The following SH2D1B variants were observed in gnomAD, a reference collection of about 807,000 sequenced individuals.
SH2D1B encodes SH2 domain-containing protein 1B.
SH2D1B carries 11 observed loss-of-function variants against 16.3 expected under a neutral mutation model. The ratio of observed to expected loss-of-function variants is 0.67; its 90% confidence interval spans 0.42 to 1.11. The LOEUF (loss-of-function observed/expected upper bound fraction) is 1.11, where lower values mean the gene tolerates loss of function less well. Among genes scored for constraint, SH2D1B ranks in the 50% most tolerant of loss-of-function variants. The pLI, the probability that SH2D1B is intolerant of heterozygous loss-of-function variation, is 0.00. For missense variants in SH2D1B, 123 were observed against 153.1 expected, an observed-to-expected ratio of 0.80 and a Z score of 1.04; for synonymous variants, 55 against 56.1, an observed-to-expected ratio of 0.98 and a Z score of 0.09.
chr1:162,406,460 T>C (rs542701851), intron 1 of SH2D1B, among the ~76,000 whole-genome samples: 1 of 152,310 alleles, frequency 6.6e-6, no homozygotes, highest in South Asian at 2.1e-4. Context: ...CCATCATGTA[T>C]AATGAACCAT....
Position 162,399,062 on chromosome 1 carries a change from A to C in SH2D1B, c.224T>G (p.Val75Gly). Residue 75 changes from valine (V) to glycine (G), a missense_variant, in exon 3 of 4, where the codon GTC becomes GGC. Physicochemically the swap from Val to Gly is moderately radical, Grantham distance 109. Transcript: ENST00000367929. ...IQTAEGSPKQ[V>G]FPSLKELISK... is the part of the protein sequence containing the mutation. ...GATCAGTTCCTTTAGGCTTGGAAAGACCTGTTTTGGAGAACCTTCTGCAGT... is the reference window on the plus strand; with the variant it reads ...GATCAGTTCCTTTAGGCTTGGAAAGCCCTGTTTTGGAGAACCTTCTGCAGT... The C allele has an allele frequency of 6.2e-7, 1 of 1,613,290 alleles. No individual in the cohort carries two copies. Among genetic ancestry groups the C allele is most frequent in the Non-Finnish European group, 8.5e-7 (1 of 1,179,644 alleles).
chr1:162,398,914 A>T lies in SH2D1B; in HGVS notation c.363+9T>A. On this transcript the variant is annotated intron_variant, in intron 3 of 3. Coordinates refer to ENST00000367929, the MANE Select transcript of SH2D1B (RefSeq NM_053282.5). ...GATTGCTTTCTGACCCCCACGTGAG[A>T]GATTTTACCACAAATGTTTCCAACT... 1 of 1,607,302 alleles carries T rather than the reference A, an allele frequency of 6.2e-7. No homozygotes were observed. The highest frequency in any genetic ancestry group is 8.5e-7 in the Non-Finnish European group (1 of 1,175,176).
At chr1:162,407,625 C>T (rs1382604583) in intron 1 of SH2D1B, among the ~76,000 whole-genome samples, 1 of 152,188 alleles carries the variant, frequency 6.6e-6, no homozygotes, top group Non-Finnish European at 1.5e-5. Context: ...TTTTCTGTGT[C>T]AGTGAAGACA....
intron 2 of SH2D1B, among the ~76,000 whole-genome samples, chr1:162,402,286 G>A (rs1442303153): frequency 6.6e-6 from 1 of 152,154 alleles, no homozygotes; most frequent in Non-Finnish European, 1.5e-5. Flanking sequence ...GCTGAGGCCG[G>A]CGGATCACAA....
At chr1:162,398,578 G>A (rs1648434713) in intron 3 of SH2D1B, among the ~76,000 whole-genome samples, 4 of 152,292 alleles carry the variant, frequency 2.6e-5, no homozygotes, top group Admixed American at 6.5e-5. Flanking sequence ...TTTGGGGAGG[G>A]CTTGAAGGGC....
chr1:162,396,406 C>A lies in SH2D1B; in HGVS notation c.*874G>T, dbSNP rs1571269966. The A allele has an allele frequency of 6.6e-6, 1 of 152,214 alleles. No individual in the cohort carries two copies. Among genetic ancestry groups the A allele is most frequent in the African/African-American group, 2.4e-5 (1 of 41,448 alleles). The allele number at this position is 152,214 out of a possible 1,614,324, so 9.4% of individuals were successfully genotyped here. ...GTCAGTTTCTATGAACTAGGCACAG[C>A]TCTGGGCAGCACAAATTTCTACACA... On this transcript the variant is annotated 3_prime_UTR_variant, in exon 4 of 4. Transcript: ENST00000367929.
At position 162,411,865 on chromosome 1, in the gene SH2D1B, C is replaced by T; in HGVS notation, c.134+18G>A. 1 of 1,613,906 alleles carries T rather than the reference C, an allele frequency of 6.2e-7. No individual in the cohort carries two copies. The highest frequency in any genetic ancestry group is 8.5e-7 in the Non-Finnish European group (1 of 1,180,000). ...TTCAACATACGATGTCAGATGTGTG[C>T]AAGATGAGGCTACTCACGAGACACA... On this transcript the variant is annotated intron_variant, in intron 1 of 3. Coordinates refer to ENST00000367929, the MANE Select transcript of SH2D1B (RefSeq NM_053282.5).
At chr1:162,398,791 C>T in intron 3 of SH2D1B, 132 bp downstream of exon 3, 2 of 1,102,042 alleles carry the variant, frequency 1.8e-6, no homozygotes, top group South Asian at 1.9e-5. Context: ...ATGGAAATTG[C>T]TCTTAGTAGG....
At chr1:162,408,057 G>A (rs1473857202) in intron 1 of SH2D1B, among the ~76,000 whole-genome samples, 1 of 152,164 alleles carries the variant, frequency 6.6e-6, no homozygotes, top group Non-Finnish European at 1.5e-5. Context: ...GCATCACTGT[G>A]TCTGTTTACT....
At chr1:162,405,366 G>C (rs1183990462) in intron 1 of SH2D1B, among the ~76,000 whole-genome samples, 1 of 152,192 alleles carries the variant, frequency 6.6e-6, no homozygotes, top group Admixed American at 6.5e-5. Flanking sequence ...CGTTTCATAA[G>C]TGTACATACA....
intron 2 of SH2D1B, among the ~76,000 whole-genome samples, chr1:162,401,556 C>T (rs1445027391): frequency 6.6e-6 from 1 of 152,076 alleles, no homozygotes; most frequent in Non-Finnish European, 1.5e-5. Flanking sequence ...AATTTGCAGA[C>T]ATAATATCCC....
chr1:162,399,116 C>G, intron 2 of SH2D1B, 29 bp from the exon 3 acceptor site: 1 of 1,586,616 alleles, frequency 6.3e-7, no homozygotes, highest in Admixed American at 1.7e-5. Context: ...GGAAATCACT[C>G]ATTATCATGC....
At chr1:162,409,312 G>A (rs539914885) in intron 1 of SH2D1B, among the ~76,000 whole-genome samples, 9 of 152,076 alleles carry the variant, frequency 5.9e-5, no homozygotes, top group East Asian at 3.9e-4. Flanking sequence ...TGTTCTCCAC[G>A]TCAAATTGAA....
At chr1:162,407,805 T>C (rs908397453) in intron 1 of SH2D1B, among the ~76,000 whole-genome samples, 1 of 152,234 alleles carries the variant, frequency 6.6e-6, no homozygotes, top group Non-Finnish European at 1.5e-5. Context: ...ATTTTCATCA[T>C]ATTTTCTCCT....
rs781355049 is a variant in SH2D1B at position 162,402,689 on chromosome 1, T to C, written c.198+50A>G. ...AGGTAAAAGACATGTTCCCAGGTTC[T>C]TCTCCCCCAACTTTTGTGTTGTTGT... On this transcript the variant is annotated intron_variant, in intron 2 of 3. Transcript: ENST00000367929. 2.7e-6 allele frequency: 4 copies of C among 1,504,116 alleles called. 1 individual carries two copies. The South Asian group carries it at 4.5e-5, about 17-fold the overall frequency. 93.2% of individuals were successfully genotyped at this position (1,504,116 alleles called of 1,614,324 possible).
intron 1 of SH2D1B, among the ~76,000 whole-genome samples, chr1:162,403,507 AAAAAATATATATATATATAT>A (rs1557911060): frequency 4.8e-5 from 1 of 21,032 alleles, no homozygotes; most frequent in Admixed American, 7.0e-4. Flanking sequence ...AAAAAAAAAA[AAAAAATATATATATATATAT>A]ATATATATAT....
intron 3 of SH2D1B, 67 bp from the exon 4 acceptor site, chr1:162,397,382 C>G: frequency 6.4e-7 from 1 of 1,572,114 alleles, no homozygotes; most frequent in African/African-American, 1.4e-5. Flanking sequence ...ATCAAACAAC[C>G]CCACTCAAAG....
chr1:162,397,461 G>A (rs1172468910), intron 3 of SH2D1B, 146 bp from the exon 4 acceptor site: 1 of 762,664 alleles, frequency 1.3e-6, no homozygotes, highest in Non-Finnish European at 2.1e-6. Flanking sequence ...TTAAAGGCTG[G>A]GGTACTACAG....
chr1:162,410,468 T>A (rs1303689311), intron 1 of SH2D1B, among the ~76,000 whole-genome samples: 1 of 152,108 alleles, frequency 6.6e-6, no homozygotes, highest in African/African-American at 2.4e-5. Context: ...ACAAGAGACA[T>A]TTGGATTTTA....
Sources: gnomAD v4.1 joint callset for allele counts (sites outside exome capture counted in the v4.1 genomes callset) on GRCh38, gnomAD v4.1.1 for gene constraint, MANE v1.5 for transcripts, NCBI Gene and HGNC (gene_info 2026-07-23, HGNC 2026-07-21) for gene names.